SEC24C: variants seen among roughly 807,000 people sequenced by gnomAD.
The protein encoded by SEC24C is protein transport protein Sec24C.
A neutral mutation model predicts 117.0 loss-of-function variants in SEC24C; 22 were observed. The observed-to-expected ratio is 0.19, with a 90% CI of 0.13 to 0.27. SEC24C has a LOEUF of 0.27. Ranked by LOEUF, SEC24C falls within the 10% of genes least tolerant of loss-of-function variation. The pLI, the probability that SEC24C is intolerant of heterozygous loss-of-function variation, is 1.00. For synonymous variants in SEC24C, 506 were observed against 529.4 expected (o/e 0.96, Z 0.61); for missense variants, 1,155 against 1,375.1 (o/e 0.84, Z 2.53).
chr10:73,751,133 G>A lies in SEC24C; in HGVS notation c.198G>A (p.Ser66=), dbSNP rs201832892. Residue 66 remains serine, a synonymous_variant, in exon 3 of 23, where the codon TCG becomes TCA. Transcript: ENST00000345254. ...PQGMSRAPPS[S]GAPPASTAQA... is the part of the protein sequence containing the mutation. ...GTATGTCAAGAGCCCCACCTTCCTC[G>A]GGGGCACCTCCAGCCTCAACAGCAC... The A allele has an allele frequency of 3.1e-5, 50 of 1,613,918 alleles. No individual in the cohort carries two copies. The African/African-American group carries it at 4.1e-4, about 13-fold the overall frequency.
At chr10:73,770,213 T>G in intron 20 of SEC24C, 67 bp from the exon 21 acceptor site, 1 of 1,466,466 alleles carries the variant, frequency 6.8e-7, no homozygotes. Context: ...AAATTTTGTG[T>G]GTGGTGCGGG....
In SEC24C at chr10:73,770,316, G is replaced by A. The variant is rs1229309169; in HGVS notation, c.2899G>A (p.Ala967Thr). Residue 967 changes from alanine (A) to threonine (T), a missense_variant, in exon 21 of 23, where the codon GCA (alanine) becomes ACA (threonine). This residue lies in a region of SEC24C where 759 missense variants were observed against 992.3 expected (regional missense o/e 0.76). Coordinates refer to ENST00000345254, the MANE Select transcript of SEC24C (RefSeq NM_198597.3). ...SPVESTTEPP[A>T]VRASEERLSN... ...CGTTGAGAGTACTACCGAACCACCA[G>A]CAGTTCGAGCCTCTGAAGAGCGTCT... 1 of 1,613,216 alleles carries A rather than the reference G, an allele frequency of 6.2e-7. No individual in the cohort carries two copies. The highest frequency in any genetic ancestry group is 8.5e-7 in the Non-Finnish European group (1 of 1,179,614).
intron 1 of SEC24C, 38 bp from the exon 2 acceptor site, chr10:73,746,767 G>C (rs2082559560): frequency 6.8e-7 from 1 of 1,463,796 alleles, no homozygotes; most frequent in Non-Finnish European, 9.3e-7. Context: ...GCTCTCTTTA[G>C]AAAGTTCATT....
chr10:73,769,889 G>A lies in SEC24C; in HGVS notation c.2736G>A (p.Leu912=), dbSNP rs1266645397. The change falls in exon 20 of 23, where the codon TTG becomes TTA. Residue 912 remains leucine, a synonymous_variant. Coordinates refer to ENST00000345254, the MANE Select transcript of SEC24C (RefSeq NM_198597.3). The surrounding 1 kb of genome is among the most constrained non-coding windows in gnomAD (Gnocchi z 4.5). ...TCCCAGTTTACCTGAACTGTGTGTT[G>A]AAGAGTGATGTCCTGCAGCCTGGAG... is the stretch of plus-strand genomic sequence containing the variant. ...KLLPVYLNCV[L]KSDVLQPGAE... is the part of the protein sequence containing the mutation. 6.2e-7 allele frequency: 1 copy of A among 1,614,214 alleles called. No homozygotes were observed. The highest frequency in any genetic ancestry group is 2.2e-5 in the East Asian group (1 of 44,884).
chr10:73,758,931 A>G (rs1283598201), intron 3 of SEC24C, among the ~76,000 whole-genome samples: 2 of 152,108 alleles, frequency 1.3e-5, no homozygotes, highest in Admixed American at 6.6e-5. Context: ...CACTGAATGG[A>G]AAGTATATTG....
In SEC24C at chr10:73,766,843, A is replaced by C; in HGVS notation, c.1883A>C (p.Glu628Ala). The change falls in exon 13 of 23, where the codon GAG becomes GCG. Residue 628 changes from glutamate to alanine, a missense_variant. Coordinates refer to ENST00000345254, the MANE Select transcript of SEC24C (RefSeq NM_198597.3). ...GTACCAGTTATCCAGGCTGGAATGG[A>C]GGCTCTGAAGGTAAGGCTGGAGTAT... ...VFVPVIQAGM[E>A]ALKAAECAGK... The C allele has an allele frequency of 1.2e-6, 2 of 1,613,958 alleles. No individual in the cohort carries two copies. The highest frequency in any genetic ancestry group is 1.7e-6 in the Non-Finnish European group (2 of 1,179,836).
intron 3 of SEC24C, among the ~76,000 whole-genome samples, chr10:73,755,849 G>GA (rs1434705216): frequency 2.0e-5 from 3 of 151,396 alleles, no homozygotes; most frequent in Non-Finnish European, 4.4e-5. Flanking sequence ...AGTGAGGACT[G>GA]AAAATCTTTT....
Position 73,760,025 on chromosome 10 carries a change from A to G in SEC24C, c.489A>G (p.Pro163=). The G allele has an allele frequency of 6.3e-7, 1 of 1,578,838 alleles. No individual in the cohort carries two copies. Residue 163 remains proline (P), a synonymous_variant, in exon 5 of 23, where the codon CCA becomes CCG. Coordinates refer to ENST00000345254, the MANE Select transcript of SEC24C (RefSeq NM_198597.3). ...CTTTATTCTACTTCTCAGGCCCACC[A>G]ACATCGCTGGCTTCAGCCTCAGGAA... ...PPSSGLGFGP[P]TSLASASGSF...
At chr10:73,749,116 A>C (rs2082606245) in intron 2 of SEC24C, among the ~76,000 whole-genome samples, 1 of 152,146 alleles carries the variant, frequency 6.6e-6, no homozygotes, top group South Asian at 2.1e-4. Flanking sequence ...TCCCAGGTTC[A>C]CTGACTGTTC....
chr10:73,755,098 A>G (rs915843780), intron 3 of SEC24C, among the ~76,000 whole-genome samples: 1 of 152,092 alleles, frequency 6.6e-6, no homozygotes, highest in East Asian at 1.9e-4. Flanking sequence ...GCACCGCTGC[A>G]CTCCAACCTG....
chr10:73,758,983 C>T (rs1454560143), intron 3 of SEC24C, among the ~76,000 whole-genome samples: 3 of 152,086 alleles, frequency 2.0e-5, no homozygotes, highest in Non-Finnish European at 2.9e-5. Flanking sequence ...ATTCGTTGAG[C>T]TCAGGAGTTT....
chr10:73,757,833 T>C (rs1373570269), intron 3 of SEC24C, among the ~76,000 whole-genome samples: 3 of 147,046 alleles, frequency 2.0e-5, no homozygotes, highest in African/African-American at 7.6e-5. Context: ...GGAGGATTGC[T>C]TGAGCCCAGG....
At position 73,766,410 on chromosome 10, in the gene SEC24C, C is replaced by T. The variant is rs771949529; in HGVS notation, c.1668C>T (p.Leu556=). The change falls in exon 12 of 23, where the codon CTC becomes CTT. Residue 556 remains leucine, a synonymous_variant. Transcript: ENST00000345254. ...RVGFVTYNKV[L]HFYNVKSSLA... The stretch of plus-strand genomic sequence containing the variant: ...GCTTTGTCACCTACAATAAGGTGCT[C>T]CACTTCTATAATGTGAAGAGCTCAT... The T allele has an allele frequency of 5.0e-6, 8 of 1,614,026 alleles. No individual in the cohort carries two copies. The South Asian group carries it at 8.8e-5, about 18-fold the overall frequency.
intron 6 of SEC24C, among the ~76,000 whole-genome samples, chr10:73,761,079 A>G (rs920505386): frequency 6.6e-6 from 1 of 152,168 alleles, no homozygotes; most frequent in Non-Finnish European, 1.5e-5. Flanking sequence ...ACCAAGAGTG[A>G]GCAGCAGCAC....
chr10:73,745,615 C>T (rs2082535120), intron 1 of SEC24C, among the ~76,000 whole-genome samples: 1 of 151,766 alleles, frequency 6.6e-6, no homozygotes, highest in Admixed American at 6.6e-5. Flanking sequence ...GTGGCACGAT[C>T]TCGGCTTATT....
At chr10:73,770,533 G>A (rs2082961557) in intron 21 of SEC24C, 62 bp downstream of exon 21, 6 of 1,581,166 alleles carry the variant, frequency 3.8e-6, no homozygotes, top group African/African-American at 1.4e-5. Context: ...ACAATTGGGA[G>A]CCAATATAGT....
At position 73,766,767 on chromosome 10, in the gene SEC24C, G is replaced by A. The variant is rs1447148104; in HGVS notation, c.1807G>A (p.Asp603Asn). 8 of 1,613,846 alleles carry A rather than the reference G, an allele frequency of 5.0e-6. No homozygotes were observed. The Admixed American group carries it at 1.0e-4, about 20-fold the overall frequency. ...CGTCACCTATCTCTTTAGCTTATTG[G>A]ATCAGATTCCAGAAATGTTTGCAGA... ...ESRAVITSLL[D>N]QIPEMFADTR... is the part of the protein sequence containing the mutation. Residue 603 changes from aspartate (D) to asparagine (N), a missense_variant, in exon 13 of 23, where the codon GAT (aspartate) becomes AAT (asparagine). Around this residue, in one of 2 missense-constraint regions of SEC24C, gnomAD observed 759 missense variants for 992.3 expected, o/e 0.76. Transcript: ENST00000345254.
intron 15 of SEC24C, among the ~76,000 whole-genome samples, chr10:73,768,455 A>G (rs1199983878): frequency 1.3e-5 from 2 of 152,226 alleles, no homozygotes; most frequent in African/African-American, 4.8e-5. Flanking sequence ...AGTTAGGAAC[A>G]TGGGCCTTGG....
rs763340025 is a variant in SEC24C, at chr10:73,769,220, TGG to T, written c.2424+70_2424+71del. 1 of 1,596,918 alleles carries T rather than the reference TGG, an allele frequency of 6.3e-7. No individual in the cohort carries two copies. The highest frequency in any genetic ancestry group is 1.7e-5 in the Admixed American group (1 of 57,148). The stretch of plus-strand genomic sequence containing the variant: ...GCTTGGTATAGAAGAGGGTGAGGAA[TGG>T]GTAGAGAGCACTAAAAGAAGAGACA... On this transcript the variant is annotated intron_variant, in intron 17 of 22. Transcript: ENST00000345254. The surrounding 1 kb of genome is among the most constrained non-coding windows in gnomAD (Gnocchi z 4.5).
Sources: gnomAD v4.1 joint callset for allele counts (sites outside exome capture counted in the v4.1 genomes callset) on GRCh38, gnomAD v4.1.1 for gene constraint, gnomAD v4.1.1 regional missense constraint, Gnocchi (gnomAD v3.1) non-coding constraint, MANE v1.5 for transcripts, NCBI Gene and HGNC (gene_info 2026-07-23, HGNC 2026-07-21) for gene names.